Variants in DGKE observed in about 807,000 individuals in gnomAD.
DGKE encodes diacylglycerol kinase epsilon.
Under a neutral mutation model 70.0 loss-of-function variants are expected in DGKE, and 53 were observed. The ratio of observed to expected loss-of-function variants is 0.76; its 90% CI spans 0.61 to 0.95. The LOEUF is 0.95. Among genes scored for constraint, DGKE ranks in the 40% least tolerant of loss-of-function variants. DGKE has a pLI of 0.00. For missense variants in DGKE, 655 were observed against 706.9 expected (o/e 0.93, Z 0.83); for synonymous variants, 291 against 257.0 (o/e 1.13, Z -1.27).
At chr17:56,855,417 C>G (rs1204013106) in intron 7 of DGKE, among the ~76,000 whole-genome samples, 1 of 152,056 alleles carries the variant, frequency 6.6e-6, no homozygotes, top group Non-Finnish European at 1.5e-5. Flanking sequence ...AGAATTCATA[C>G]CTTTCATACC....
intron 7 of DGKE, 98 bp from the exon 8 acceptor site, chr17:56,856,414 C>T (rs1488085982): frequency 6.8e-6 from 9 of 1,319,116 alleles, no homozygotes; most frequent in South Asian, 6.1e-5. Flanking sequence ...AAAGCATCTC[C>T]ATTGTCAAAA....
chr17:56,834,691 G>A, intron 1 of DGKE, 87 bp from the exon 2 acceptor site: 3 of 1,277,822 alleles, frequency 2.3e-6, no homozygotes, highest in Non-Finnish European at 2.2e-6. Flanking sequence ...TTCACTGAGG[G>A]CGCCCGGTTT....
intron 2 of DGKE, among the ~76,000 whole-genome samples, chr17:56,840,609 A>G (rs924636591): frequency 6.6e-6 from 1 of 152,084 alleles, no homozygotes; most frequent in Non-Finnish European, 1.5e-5. Flanking sequence ...CAAACTTCTG[A>G]CCTCAGGTGA....
intron 7 of DGKE, among the ~76,000 whole-genome samples, chr17:56,852,308 G>A (rs908882119): frequency 1.3e-5 from 2 of 151,792 alleles, no homozygotes; most frequent in Non-Finnish European, 2.9e-5. Context: ...AGCTACTCGG[G>A]AGGCTGAGGC....
intron 9 of DGKE, among the ~76,000 whole-genome samples, chr17:56,860,997 T>C (rs1908254424): frequency 6.6e-6 from 1 of 152,200 alleles, no homozygotes; most frequent in African/African-American, 2.4e-5. Flanking sequence ...TTGCATTTTT[T>C]AAGTGTCGAT....
chr17:56,841,454 A>AGT (rs1272767909), intron 2 of DGKE, among the ~76,000 whole-genome samples: 2 of 152,196 alleles, frequency 1.3e-5, no homozygotes, highest in African/African-American at 4.8e-5. Context: ...ATTAAAACCT[A>AGT]GTGAAAGATG....
rs1908298501 is a variant in DGKE, at chr17:56,861,650, C to T, written c.1285-141C>T. 8 of 1,035,294 alleles carry T rather than the reference C, an allele frequency of 7.7e-6. No individual in the cohort carries two copies. The Admixed American group carries it at 1.0e-4, about 13-fold the overall frequency. The allele number at this position is 1,035,294 out of a possible 1,614,324, so 64.1% of individuals were successfully genotyped here. On this transcript the variant is annotated intron_variant, in intron 9 of 11. Transcript: ENST00000284061. ...AGATAGAAAAGGGCAGATGAGAGGC[C>T]CTGAGTGAGAGGTAGGGAGCATCTT...
chr17:56,837,898 A>G (rs866188515), intron 2 of DGKE, among the ~76,000 whole-genome samples: 3 of 152,110 alleles, frequency 2.0e-5, no homozygotes, highest in East Asian at 1.9e-4. Flanking sequence ...TTGAGCATCT[A>G]TTTTTGTTCT....
At chr17:56,859,426 C>CT (rs756657239) in intron 9 of DGKE, among the ~76,000 whole-genome samples, 3,531 of 146,688 alleles carry the variant, frequency 0.024, 52 homozygotes, top group Non-Finnish European at 0.035. Context: ...ATATGGCAGT[C>CT]TTTTTTTTTT....
At chr17:56,842,831 T>C (rs1271121780) in intron 2 of DGKE, among the ~76,000 whole-genome samples, 1 of 152,240 alleles carries the variant, frequency 6.6e-6, no homozygotes, top group East Asian at 1.9e-4. Flanking sequence ...TGTGAGTGGA[T>C]TAAATACTTA....
chr17:56,857,073 G>C (rs939360852), intron 8 of DGKE, among the ~76,000 whole-genome samples: 7 of 152,178 alleles, frequency 4.6e-5, no homozygotes, highest in Admixed American at 2.0e-4. Flanking sequence ...ACTCCAACTT[G>C]GGCAACAGAA....
At chr17:56,835,340 T>A in intron 2 of DGKE, 81 bp downstream of exon 2, 1 of 1,377,074 alleles carries the variant, frequency 7.3e-7, no homozygotes, top group Non-Finnish European at 9.8e-7. Context: ...AGGCCTGCTT[T>A]AATCTCTGCT....
At chr17:56,840,777 C>T (rs182394128) in intron 2 of DGKE, among the ~76,000 whole-genome samples, 1 of 151,916 alleles carries the variant, frequency 6.6e-6, no homozygotes, top group Non-Finnish European at 1.5e-5. Context: ...GTAACTATGA[C>T]AACTGAACTG....
chr17:56,848,616 G>C lies in DGKE; in HGVS notation c.889-80G>C. The C allele has an allele frequency of 4.9e-6, 7 of 1,425,008 alleles. No homozygotes were observed. The South Asian group carries it at 7.5e-5, about 15-fold the overall frequency. The allele number at this position is 1,425,008 out of a possible 1,614,324, so 88.3% of individuals were successfully genotyped here. On this transcript the variant is annotated intron_variant, in intron 5 of 11. Transcript: ENST00000284061. ...TTATATTTGTATCCTTACTGTTTTG[G>C]TCTTATTAAATTTTACAAAATATTA...
chr17:56,849,216 A>C lies in DGKE; in HGVS notation c.1082A>C (p.Asn361Thr), dbSNP rs780449140. 8.1e-6 allele frequency: 13 copies of C among 1,609,976 alleles called. No homozygotes were observed. The highest frequency in any genetic ancestry group is 5.1e-5 in the Admixed American group (3 of 58,828). Residue 361 changes from asparagine to threonine, a missense_variant, in exon 7 of 12, where the codon AAC (asparagine) becomes ACC (threonine). Coordinates refer to ENST00000284061, the MANE Select transcript of DGKE (RefSeq NM_003647.3). ...CAAGTAACAAATAAAGGATACTACA[A>C]CTTAAGAAAACCCAAGGTATGTTGT... ...KVQVTNKGYY[N>T]LRKPKEFTMN...
chr17:56,840,974 C>T (rs949837796), intron 2 of DGKE, among the ~76,000 whole-genome samples: 7 of 151,890 alleles, frequency 4.6e-5, no homozygotes, highest in Admixed American at 1.3e-4. Context: ...AAATTTTTGG[C>T]CAGACTCGGT....
chr17:56,853,880 A>G (rs1907789660), intron 7 of DGKE, among the ~76,000 whole-genome samples: 1 of 152,090 alleles, frequency 6.6e-6, no homozygotes, highest in Admixed American at 6.6e-5. Flanking sequence ...TTGCAGCATT[A>G]TGTACAATAG....
chr17:56,850,698 G>A (rs1356289627), intron 7 of DGKE, among the ~76,000 whole-genome samples: 2 of 152,088 alleles, frequency 1.3e-5, no homozygotes, highest in African/African-American at 2.4e-5. Context: ...TCTTTGAGAA[G>A]GCACAAAACC....
intron 2 of DGKE, among the ~76,000 whole-genome samples, chr17:56,836,757 T>TA (rs1378166117): frequency 6.6e-6 from 1 of 152,252 alleles, no homozygotes; most frequent in African/African-American, 2.4e-5. Context: ...TAGTACTTTC[T>TA]GGCCTCTGTC....
Sources: gnomAD v4.1 joint callset for allele counts (sites outside exome capture counted in the v4.1 genomes callset) on GRCh38, gnomAD v4.1.1 for gene constraint, MANE v1.5 for transcripts, NCBI Gene and HGNC (gene_info 2026-07-23, HGNC 2026-07-21) for gene names.